KCNC3: variants seen among roughly 807,000 people sequenced by gnomAD.
The protein encoded by KCNC3 is voltage-gated potassium channel KCNC3.
In KCNC3, 22 loss-of-function variants were observed where a neutral mutation model predicts 43.9. The observed-to-expected ratio is 0.50, with a 90% CI of 0.36 to 0.72. KCNC3 has a LOEUF of 0.72. Ranked by LOEUF, KCNC3 falls within the 30% of genes least tolerant of loss-of-function variation. KCNC3 has a pLI of 0.00. For synonymous variants in KCNC3, 492 were observed against 488.0 expected (o/e 1.01, Z -0.11); for missense variants, 829 against 1,073.8 (o/e 0.77, Z 3.19).
Position 50,323,134 on chromosome 19 carries a change from C to A in KCNC3, c.1819G>T (p.Val607Leu), listed in dbSNP as rs1428340724. ...GCTGGGTAGGCCCCGGCCACAGTCA[C>A]CCCCATGGAGGGTGGGGTGATGGGT... Reference protein sequence around the residue: ...PPPITPPSMGVTVAGAYPAGP... With the variant: ...PPPITPPSMGLTVAGAYPAGP... Residue 607 changes from valine (V) to leucine (L), a missense_variant, in exon 2 of 5, where the codon GTG (valine) becomes TTG (leucine). Transcript: ENST00000477616. 3 of 1,535,538 alleles carry A rather than the reference C, an allele frequency of 2.0e-6. No individual in the cohort carries two copies. The highest frequency in any genetic ancestry group is 3.9e-5 in the Admixed American group (2 of 50,838).
Position 50,315,220 on chromosome 19 carries a change from G to A in KCNC3, c.*895C>T, listed in dbSNP as rs190201307. ...GACAGATGGACAGAGATGGACCAAG[G>A]AGATGGAGAGAGAAAGTGAACAAAT... On this transcript the variant is annotated 3_prime_UTR_variant, in exon 5 of 5. Coordinates refer to ENST00000477616, the MANE Select transcript of KCNC3 (RefSeq NM_004977.3). Among the ~76,000 whole-genome samples the A allele has an allele frequency of 3.9e-4, 59 of 152,052 alleles. No homozygotes were observed. The highest frequency in any genetic ancestry group is 1.3e-3 in the African/African-American group (54 of 41,462).
Position 50,328,278 on chromosome 19 carries a change from AC to A in KCNC3, c.804del (p.Trp268CysfsTer56). 2 of 1,185,236 alleles carry A rather than the reference AC, an allele frequency of 1.7e-6. No homozygotes were observed. Among genetic ancestry groups the A allele is most frequent in the Non-Finnish European group, 2.1e-6 (2 of 960,380 alleles). The allele number at this position is 1,185,236 out of a possible 1,614,324, so 73.4% of individuals were successfully genotyped here. On this transcript the variant is annotated frameshift_variant, in exon 1 of 5. Coordinates refer to ENST00000477616, the MANE Select transcript of KCNC3 (RefSeq NM_004977.3). LOFTEE classifies it high-confidence loss of function. ...CACACGCGGGGCTGCCAGCGGCGCC[AC>A]CATGTGCCGCCCGCGCCGCCCGCGC... ...PGGAGGAGGT[W>X]WRRWQPRVWA...
chr19:50,323,813 G>T lies in KCNC3; in HGVS notation c.1140C>A (p.Ser380Arg). The change falls in exon 2 of 5, where the codon AGC becomes AGA. Residue 380 changes from serine to arginine, a missense_variant. Physicochemically the swap from Ser to Arg is moderately radical, Grantham distance 110. Around this residue, in one of 7 missense-constraint regions of KCNC3, gnomAD observed 157 missense variants for 293.5 expected, o/e 0.53. Coordinates refer to ENST00000477616, the MANE Select transcript of KCNC3 (RefSeq NM_004977.3). Reference protein sequence around the residue: ...CPDKVEFLKSSLNIIDCVAIL... With the variant: ...CPDKVEFLKSRLNIIDCVAIL... ...TGGCCACACAGTCGATGATGTTGAG[G>T]CTGCTTTTAAGAAACTCCACCTTGT... 1 of 1,614,206 alleles carries T rather than the reference G, an allele frequency of 6.2e-7. No homozygotes were observed. Among genetic ancestry groups the T allele is most frequent in the Non-Finnish European group, 8.5e-7 (1 of 1,180,054 alleles).
At chr19:50,332,693 A>C (rs2037201267), upstream of KCNC3, among the ~76,000 whole-genome samples, 1 of 152,102 alleles carries the variant, frequency 6.6e-6, no homozygotes, top group Non-Finnish European at 1.5e-5. This position sits in a 1 kb window ranked among gnomAD's most constrained non-coding sequence, Gnocchi z 5.8. Flanking sequence ...ACTCTTGACT[A>C]GGGACACCAG....
At chr19:50,319,326 C>G (rs1366684967) in intron 4 of KCNC3, among the ~76,000 whole-genome samples, 4 of 152,040 alleles carry the variant, frequency 2.6e-5, no homozygotes, top group African/African-American at 9.7e-5. Flanking sequence ...CCTCAGCCTC[C>G]TAACTTCCAG....
At chr19:50,318,428 G>A in intron 4 of KCNC3, among the ~76,000 whole-genome samples, 1 of 152,102 alleles carries the variant, frequency 6.6e-6, no homozygotes, top group East Asian at 1.9e-4. Context: ...ACTGTCCTCG[G>A]CCTCCCAAAG....
upstream of KCNC3, among the ~76,000 whole-genome samples, chr19:50,330,981 G>C (rs937970976): frequency 1.3e-5 from 2 of 152,146 alleles, no homozygotes; most frequent in South Asian, 2.1e-4. Context: ...GGGCGCCCTC[G>C]GGCAGCACAG....
chr19:50,325,585 TC>T (rs113699983), intron 1 of KCNC3, among the ~76,000 whole-genome samples: 105,905 of 151,700 alleles, frequency 0.7, 37,259 homozygotes, highest in East Asian at 0.99. Flanking sequence ...CTCTCTGAAC[TC>T]CCCCCCCACC....
Position 50,323,390 on chromosome 19 carries a change from C to T in KCNC3, c.1563G>A (p.Ala521=), listed in dbSNP as rs116768044. 8.8e-4 allele frequency: 1,417 copies of T among 1,614,166 alleles called. 19 individuals are homozygous for T. The African/African-American group carries it at 0.015, about 17-fold the overall frequency. ...PKTWSGMLVG[A]LCALAGVLTI... ...TCAGCACCCCCGCCAGGGCACACAG[C>T]GCCCCGACCAGCATCCCCGACCACG... The change falls in exon 2 of 5, where the codon GCG becomes GCA. Residue 521 remains alanine, a synonymous_variant. Transcript: ENST00000477616.
Position 50,321,066 on chromosome 19 carries a change from G to T in KCNC3, c.1979-282C>A, listed in dbSNP as rs28710307. 0.18 allele frequency among the ~76,000 whole-genome samples: 27,096 copies of T among 151,456 alleles called. 2,702 individuals are homozygous for T. The highest frequency in any genetic ancestry group is 0.26 in the African/African-American group (10,681 of 41,060). On this transcript the variant is annotated intron_variant, in intron 2 of 4. Coordinates refer to ENST00000477616, the MANE Select transcript of KCNC3 (RefSeq NM_004977.3). Reference sequence around the variant, plus strand: ...TTGGGAAGGGTGGTCTGGACAGGGAGTTGGACAGATTGTGGTGGTGCAGGG... The same window carrying T: ...TTGGGAAGGGTGGTCTGGACAGGGATTTGGACAGATTGTGGTGGTGCAGGG...
chr19:50,328,988 G>T lies in KCNC3; in HGVS notation c.95C>A (p.Pro32Gln). 8.7e-7 allele frequency: 1 copy of T among 1,148,438 alleles called. No homozygotes were observed. The highest frequency in any genetic ancestry group is 3.5e-5 in the East Asian group (1 of 28,688). 71.1% of individuals were successfully genotyped at this position (1,148,438 alleles called of 1,614,324 possible). Residue 32 changes from proline (P) to glutamine (Q), a missense_variant, in exon 1 of 5, where the codon CCG becomes CAG. Coordinates refer to ENST00000477616, the MANE Select transcript of KCNC3 (RefSeq NM_004977.3). ...CTGCTGCGGCGGCAGCGGTGGCGGC[G>T]GCGGGGACTCGGGCGGCTGCGGCGG... ...APPPQPPESP[P>Q]PPPLPPQQQQ...
upstream of KCNC3, among the ~76,000 whole-genome samples, chr19:50,332,283 TC>T (rs1441884783): frequency 7.2e-5 from 11 of 152,196 alleles, no homozygotes; most frequent in Admixed American, 4.6e-4. This position sits in a 1 kb window ranked among gnomAD's most constrained non-coding sequence, Gnocchi z 5.8. Context: ...ACCCTGCTTT[TC>T]CCTTCTGCTT....
rs1179219667 is a variant in KCNC3, at chr19:50,323,629, G to A, written c.1324C>T (p.Arg442Cys). 3.7e-6 allele frequency: 6 copies of A among 1,614,082 alleles called. No homozygotes were observed. Among genetic ancestry groups the A allele is most frequent in the East Asian group, 2.2e-5 (1 of 44,884 alleles). Residue 442 changes from arginine to cysteine, a missense_variant, in exon 2 of 5, where the codon CGC becomes TGC. Arg to Cys is a radical substitution (Grantham distance 180). Coordinates refer to ENST00000477616, the MANE Select transcript of KCNC3 (RefSeq NM_004977.3). ...AGCAGGAACTCGTTGGTGCTGGCGC[G>A]GAGCGTGTGTCCCAGCACGCGCAGC... ...VGLRVLGHTLRASTNEFLLLI... is the reference protein window; with the variant it reads ...VGLRVLGHTLCASTNEFLLLI...
At chr19:50,329,767 G>A (rs1677713349), upstream of KCNC3, 1 of 152,788 alleles carries the variant, frequency 6.5e-6, no homozygotes, top group East Asian at 1.9e-4. Context: ...ACTGAAAGAG[G>A]ACACGGGAAG....
Position 50,329,108 on chromosome 19 carries a change from C to T in KCNC3, c.-26G>A. 2.7e-5 allele frequency: 1 copy of T among 36,908 alleles called. No homozygotes were observed. 2.3% of individuals were successfully genotyped at this position (36,908 alleles called of 1,614,324 possible). A position where few individuals can be genotyped will look rare whatever the true frequency, so the allele number is the denominator to read the frequency against. On this transcript the variant is annotated 5_prime_UTR_variant, in exon 1 of 5. Coordinates refer to ENST00000477616, the MANE Select transcript of KCNC3 (RefSeq NM_004977.3). ...TGGACGGGGGGCGGGGCGGGAGGGG[C>T]GGGGACGCAGGGGCGGGGACACGGG...
chr19:50,322,139 G>T (rs2037041618), intron 2 of KCNC3, among the ~76,000 whole-genome samples: 1 of 152,008 alleles, frequency 6.6e-6, no homozygotes, highest in Non-Finnish European at 1.5e-5. Flanking sequence ...ACCTACTTAA[G>T]GCGGGGCAGT....
At chr19:50,321,827 GAGA>G (rs1227445386) in intron 2 of KCNC3, among the ~76,000 whole-genome samples, 1 of 151,858 alleles carries the variant, frequency 6.6e-6, no homozygotes, top group East Asian at 1.9e-4. Context: ...GGGTGTCGGG[GAGA>G]AGATGAGGCA....
At chr19:50,318,757 T>C (rs1173469082) in intron 4 of KCNC3, among the ~76,000 whole-genome samples, 1 of 152,212 alleles carries the variant, frequency 6.6e-6, no homozygotes, top group East Asian at 1.9e-4. Context: ...TATCCCAAAT[T>C]TGTAGTGCCT....
At chr19:50,333,170 C>T (rs906716702), upstream of KCNC3, among the ~76,000 whole-genome samples, 87 of 152,138 alleles carry the variant, frequency 5.7e-4, no homozygotes, top group African/African-American at 1.9e-3. Context: ...TGAGCCTTCG[C>T]CCCCTCCCCC....
Sources: allele counts gnomAD v4.1 joint callset (sites outside exome capture counted in the v4.1 genomes callset), GRCh38; gene constraint gnomAD v4.1.1; regional missense constraint gnomAD v4.1.1; non-coding constraint Gnocchi (gnomAD v3.1); transcripts MANE v1.5; gene names NCBI Gene and HGNC (gene_info 2026-07-23, HGNC 2026-07-21).